Variants in DLG2 observed in about 807,000 individuals in gnomAD.
DLG2 encodes the protein disks large homolog 2.
Under a neutral mutation model 132.5 loss-of-function variants are expected in DLG2, and 45 were observed. The observed-to-expected ratio is 0.34, with a 90% CI of 0.27 to 0.44. The LOEUF is 0.44. Ranked by LOEUF, DLG2 falls within the 20% of genes least tolerant of loss-of-function variation. The pLI is 1.00. For missense variants in DLG2, 1,045 were observed against 1,196.9 expected, an observed-to-expected ratio of 0.87 and a Z score of 1.87; for synonymous variants, 424 against 419.6, an observed-to-expected ratio of 1.01 and a Z score of -0.13.
intron 4 of DLG2, among the ~76,000 whole-genome samples, chr11:85,249,426 A>C (rs2076291008): frequency 6.6e-6 from 1 of 151,674 alleles, no homozygotes; most frequent in Non-Finnish European, 1.5e-5. Context: ...ATGTGTGCAT[A>C]TATATATTAA....
At chr11:85,082,860 T>A (rs2067431600) in intron 6 of DLG2, among the ~76,000 whole-genome samples, 1 of 151,112 alleles carries the variant, frequency 6.6e-6, no homozygotes, top group African/African-American at 2.4e-5. Flanking sequence ...TGAAAGAAAG[T>A]TCAAAACAAA....
intron 7 of DLG2, among the ~76,000 whole-genome samples, chr11:84,445,567 T>C (rs1034273616): frequency 1.3e-5 from 2 of 152,182 alleles, no homozygotes; most frequent in Non-Finnish European, 2.9e-5. Flanking sequence ...ATTTTCTTTT[T>C]TAAAAAATGT....
At chr11:85,353,262 G>T (rs976046507) in intron 3 of DLG2, among the ~76,000 whole-genome samples, 2 of 152,350 alleles carry the variant, frequency 1.3e-5, no homozygotes, top group African/African-American at 4.8e-5. Context: ...GGCCATCAGA[G>T]AAATGCAAAT....
chr11:84,062,368 G>T (rs11233893), intron 10 of DLG2, among the ~76,000 whole-genome samples: 2,977 of 152,282 alleles, frequency 0.02, 93 homozygotes, highest in African/African-American at 0.068. Context: ...TAACTGTACT[G>T]TATAGTACTG....
At chr11:84,968,269 A>G (rs2154113091) in intron 6 of DLG2, among the ~76,000 whole-genome samples, 1 of 152,318 alleles carries the variant, frequency 6.6e-6, no homozygotes, top group Non-Finnish European at 1.5e-5. Context: ...ATATTTTGTA[A>G]TAAATATTTG....
At chr11:84,107,009 T>A (rs61897630) in intron 9 of DLG2, among the ~76,000 whole-genome samples, 3,164 of 29,106 alleles carry the variant, frequency 0.11, 134 homozygotes, top group African/African-American at 0.23. Context: ...TGTGTGTGTG[T>A]GTGTGAGAGA....
chr11:83,885,186 G>T (rs2067468981), intron 15 of DLG2, among the ~76,000 whole-genome samples: 1 of 152,072 alleles, frequency 6.6e-6, no homozygotes, highest in Non-Finnish European at 1.5e-5. Flanking sequence ...GACAAAGAAG[G>T]TAAAAACTTT....
At chr11:84,729,651 G>T (rs543098905) in intron 6 of DLG2, among the ~76,000 whole-genome samples, 1 of 151,986 alleles carries the variant, frequency 6.6e-6, no homozygotes, top group African/African-American at 2.4e-5. Context: ...CGAGTCACAC[G>T]TAGTGACTGC....
chr11:84,059,429 T>C lies in DLG2; in HGVS notation c.805A>G (p.Ser269Gly). Residue 269 changes from serine (S) to glycine (G), a missense_variant, in exon 11 of 28, where the codon AGT becomes GGT. This residue lies in a region of DLG2 where 109 missense variants were observed against 159.1 expected (regional missense o/e 0.69). Coordinates refer to ENST00000376104, the MANE Select transcript of DLG2 (RefSeq NM_001142699.3). ...NEVDVSEVSH[S>G]KAVEALKEAG... ...TCCTTCAGGGCTTCCACCGCTTTAC[T>C]GTGGGAAACCTCTGACACATCAACC... The C allele has an allele frequency of 1.2e-6, 2 of 1,613,328 alleles. No individual in the cohort carries two copies. The highest frequency in any genetic ancestry group is 1.7e-6 in the Non-Finnish European group (2 of 1,179,658).
At chr11:84,845,680 C>G (rs2081370282) in intron 6 of DLG2, among the ~76,000 whole-genome samples, 1 of 126,900 alleles carries the variant, frequency 7.9e-6, no homozygotes, top group Non-Finnish European at 1.8e-5. Flanking sequence ...GTGATCGTCA[C>G]TCTTTTTTTT....
intron 7 of DLG2, among the ~76,000 whole-genome samples, chr11:84,412,663 C>T (rs1252230455): frequency 1.3e-5 from 2 of 152,174 alleles, no homozygotes; most frequent in African/African-American, 4.8e-5. Flanking sequence ...AGCTGAGCAC[C>T]AGCCACCCTT....
intron 17 of DLG2, among the ~76,000 whole-genome samples, chr11:83,794,049 C>A (rs1331496557): frequency 6.6e-6 from 1 of 152,134 alleles, no homozygotes; most frequent in Non-Finnish European, 1.5e-5. Flanking sequence ...GCTCCTCTTG[C>A]CAAGCCCAGA....
chr11:85,188,759 T>A (rs374110808), intron 4 of DLG2, among the ~76,000 whole-genome samples: 1 of 152,114 alleles, frequency 6.6e-6, no homozygotes, highest in African/African-American at 2.4e-5. Context: ...AGTTCTGAAA[T>A]GTCAGAAGAA....
intron 20 of DLG2, among the ~76,000 whole-genome samples, chr11:83,539,973 A>G (rs557655977): frequency 6.6e-6 from 1 of 152,310 alleles, no homozygotes; most frequent in African/African-American, 2.4e-5. Context: ...AGAAAACTGT[A>G]TAGTTCAACC....
intron 8 of DLG2, among the ~76,000 whole-genome samples, chr11:84,185,900 G>C (rs1367383175): frequency 6.6e-6 from 1 of 152,036 alleles, no homozygotes; most frequent in Non-Finnish European, 1.5e-5. Context: ...GATTGTCTTT[G>C]TTTCCCTTTT....
intron 6 of DLG2, among the ~76,000 whole-genome samples, chr11:84,572,803 C>T (rs968598676): frequency 1.3e-5 from 2 of 152,100 alleles, no homozygotes; most frequent in African/African-American, 4.8e-5. Flanking sequence ...ATAAATTCCC[C>T]AATCTCAGTG....
chr11:84,946,498 A>T (rs1338974419), intron 6 of DLG2, among the ~76,000 whole-genome samples: 1 of 152,122 alleles, frequency 6.6e-6, no homozygotes, highest in Admixed American at 6.5e-5. Flanking sequence ...ATGTGTCCAG[A>T]AATCTCTTTC....
At chr11:83,583,364 G>A (rs189568521) in intron 19 of DLG2, among the ~76,000 whole-genome samples, 44 of 152,284 alleles carry the variant, frequency 2.9e-4, no homozygotes, top group East Asian at 2.3e-3. Flanking sequence ...CTGCAAGCCC[G>A]GGCATTGCCC....
intron 9 of DLG2, among the ~76,000 whole-genome samples, chr11:84,100,766 C>T (rs1040036787): frequency 6.6e-6 from 1 of 152,020 alleles, no homozygotes; most frequent in South Asian, 2.1e-4. Flanking sequence ...CTTGATTAGT[C>T]AGAAAGGTTC....
Sources: gnomAD v4.1 joint callset for allele counts (sites outside exome capture counted in the v4.1 genomes callset) on GRCh38, gnomAD v4.1.1 for gene constraint, gnomAD v4.1.1 regional missense constraint, MANE v1.5 for transcripts, NCBI Gene and HGNC (gene_info 2026-07-23, HGNC 2026-07-21) for gene names.